Variants in ATM observed in about 807,000 individuals in gnomAD.
The protein encoded by ATM is ATM serine/threonine kinase, also known as serine-protein kinase ATM.
In ATM, 308 loss-of-function variants were observed where a neutral mutation model predicts 387.0. That is an observed-to-expected ratio of 0.80 (90% CI 0.73 to 0.87). ATM has a LOEUF of 0.87. Among genes scored for constraint, ATM ranks in the 40% least tolerant of loss-of-function variants. The pLI, the probability that ATM is intolerant of heterozygous loss-of-function variation, is 0.00. For synonymous variants in ATM, 1,156 were observed against 1,187.3 expected (o/e 0.97, Z 0.54); for missense variants, 3,312 against 3,560.9 (o/e 0.93, Z 1.78).
rs1591183992 is a variant in ATM, at chr11:108,333,881, T to C, written c.7928-5T>C. On this transcript the variant is annotated splice_region_variant and splice_polypyrimidine_tract_variant and intron_variant, in intron 53 of 62. Coordinates refer to ENST00000675843, the MANE Select transcript of ATM (RefSeq NM_000051.4). ...TCACTAAAATCTCTTCATTTTTAAA[T>C]ACAGAAGGCATAAATATTCCAGCAG... The C allele has an allele frequency of 1.3e-6, 2 of 1,597,528 alleles. No individual in the cohort carries two copies. The highest frequency in any genetic ancestry group is 1.7e-6 in the Non-Finnish European group (2 of 1,165,022).
At chr11:108,225,713 TG>T (rs2078704024) in intron 1 of ATM, 1 of 152,228 alleles carries the variant, frequency 6.6e-6, no homozygotes, top group Non-Finnish European at 1.5e-5. Flanking sequence ...CCTGACCTCG[TG>T]GAACGCCCAC....
chr11:108,321,195 C>CAGT, intron 44 of ATM, 106 bp from the exon 45 acceptor site: 2 of 1,422,410 alleles, frequency 1.4e-6, no homozygotes, highest in Non-Finnish European at 1.9e-6. Flanking sequence ...ATTATTAGAT[C>CAGT]AGTAGCAAAG....
rs1187785464 is a variant in ATM, at chr11:108,332,706, A to T, written c.7789-56A>T. ...TTTTCTCTTTGTTTTTCTAACTCTG[A>T]GAAGTTTAAATGTTGGGTAGTTCCT... On this transcript the variant is annotated intron_variant, in intron 52 of 62. Coordinates refer to ENST00000675843, the MANE Select transcript of ATM (RefSeq NM_000051.4). 10 of 1,566,254 alleles carry T rather than the reference A, an allele frequency of 6.4e-6. No homozygotes were observed. The East Asian group carries it at 2.2e-4, about 35-fold the overall frequency.
intron 37 of ATM, 52 bp downstream of exon 37, chr11:108,304,904 G>A: frequency 6.3e-7 from 1 of 1,582,696 alleles, no homozygotes; most frequent in Non-Finnish European, 8.6e-7. Flanking sequence ...TCTAGAGAAA[G>A]ATGGATTTAA....
chr11:108,354,088 C>T (rs1196132527), intron 60 of ATM, among the ~76,000 whole-genome samples: 1 of 149,482 alleles, frequency 6.7e-6, no homozygotes, highest in Admixed American at 6.6e-5. Flanking sequence ...CACACACACA[C>T]ACACACACAC....
intron 59 of ATM, among the ~76,000 whole-genome samples, chr11:108,350,826 C>T (rs962995336): frequency 6.6e-6 from 1 of 152,114 alleles, no homozygotes; most frequent in African/African-American, 2.4e-5. Context: ...GTGCTAAAAG[C>T]ATCTATAAAT....
At chr11:108,348,021 T>C (rs1409531961) in intron 59 of ATM, among the ~76,000 whole-genome samples, 1 of 152,172 alleles carries the variant, frequency 6.6e-6, no homozygotes, top group Non-Finnish European at 1.5e-5. Flanking sequence ...TAGTAAACTG[T>C]ACCAGTGATA....
intron 61 of ATM, among the ~76,000 whole-genome samples, chr11:108,357,091 C>G (rs553013615): frequency 1.4e-4 from 21 of 152,368 alleles, no homozygotes; most frequent in Non-Finnish European, 2.4e-4. Flanking sequence ...GGTGCACGCA[C>G]TGTGCGCGAA....
intron 39 of ATM, among the ~76,000 whole-genome samples, chr11:108,312,107 A>G (rs2084212775): frequency 6.6e-6 from 1 of 152,228 alleles, no homozygotes; most frequent in Non-Finnish European, 1.5e-5. Context: ...AACCACTGAC[A>G]GAGTATATAG....
chr11:108,365,612 G>A lies in ATM; in HGVS notation c.*104G>A, dbSNP rs2091270713. ...TTTAAGTAGGGATTAATATTTAAGTGAACTATTGTGGGTTTTTTTGAATGT... is the reference window on the plus strand; with the variant it reads ...TTTAAGTAGGGATTAATATTTAAGTAAACTATTGTGGGTTTTTTTGAATGT... On this transcript the variant is annotated 3_prime_UTR_variant, in exon 63 of 63. Coordinates refer to ENST00000675843, the MANE Select transcript of ATM (RefSeq NM_000051.4). 8 of 1,368,966 alleles carry A rather than the reference G, an allele frequency of 5.8e-6. No homozygotes were observed. Among genetic ancestry groups the A allele is most frequent in the Non-Finnish European group, 8.0e-6 (8 of 1,002,644 alleles). 84.8% of individuals were successfully genotyped at this position (1,368,966 alleles called of 1,614,324 possible).
rs565625546 is a variant in ATM, at chr11:108,356,264, G to A, written c.8850+1390G>A. Among the ~76,000 whole-genome samples the A allele has an allele frequency of 1.7e-4, 26 of 152,210 alleles. No individual in the cohort carries two copies. The East Asian group carries it at 2.7e-3, about 16-fold the overall frequency. The stretch of plus-strand genomic sequence containing the variant: ...ATGTAAGAAAAAGAGGGCTGGGCGC[G>A]GTGGCTCATGCCTGTAATCCCAGCA... On this transcript the variant is annotated intron_variant, in intron 61 of 62. Transcript: ENST00000675843.
chr11:108,248,661 G>A (rs2079970413), intron 8 of ATM, among the ~76,000 whole-genome samples: 1 of 152,100 alleles, frequency 6.6e-6, no homozygotes, highest in African/African-American at 2.4e-5. Flanking sequence ...GGCCAAGGCG[G>A]GCAGATCACC....
At chr11:108,283,703 C>T (rs2082344612) in intron 25 of ATM, among the ~76,000 whole-genome samples, 1 of 152,124 alleles carries the variant, frequency 6.6e-6, no homozygotes, top group Non-Finnish European at 1.5e-5. Context: ...CCCATGTATG[C>T]CTAAATTTAC....
intron 61 of ATM, among the ~76,000 whole-genome samples, chr11:108,357,503 A>G (rs558087337): frequency 1.4e-4 from 21 of 152,284 alleles, no homozygotes; most frequent in African/African-American, 4.3e-4. Context: ...GGCACAGACA[A>G]ACAAAAAGAC....
intron 6 of ATM, among the ~76,000 whole-genome samples, chr11:108,244,546 A>T (rs183894728): frequency 6.6e-6 from 1 of 152,186 alleles, no homozygotes; most frequent in Non-Finnish European, 1.5e-5. Context: ...TTTTTATACA[A>T]TGTTTTAGCA....
intron 32 of ATM, chr11:108,296,889 C>CGCCGT: frequency 7.4e-6 from 2 of 272,058 alleles, no homozygotes; most frequent in South Asian, 4.0e-5. Flanking sequence ...TAGACATTTC[C>CGCCGT]ATCATTGCAG....
At chr11:108,330,045 C>T (rs1406482752) in intron 49 of ATM, among the ~76,000 whole-genome samples, 169 bp from the exon 50 acceptor site, 3 of 152,178 alleles carry the variant, frequency 2.0e-5, no homozygotes, top group African/African-American at 7.2e-5. Flanking sequence ...GTGTGAATTG[C>T]ACAGTTAAGA....
chr11:108,283,693 C>G (rs2082343846), intron 25 of ATM, among the ~76,000 whole-genome samples: 1 of 152,108 alleles, frequency 6.6e-6, no homozygotes, highest in Non-Finnish European at 1.5e-5. Context: ...TCCAGGATCC[C>G]CCATGTATGC....
intron 34 of ATM, 109 bp downstream of exon 34, chr11:108,299,994 T>A (rs540976181): frequency 1.9e-6 from 2 of 1,070,246 alleles, no homozygotes; most frequent in African/African-American, 3.2e-5. Context: ...CTTTTTTAAA[T>A]CTCAGTGTCT....
Sources: allele counts gnomAD v4.1 joint callset (sites outside exome capture counted in the v4.1 genomes callset), GRCh38; gene constraint gnomAD v4.1.1; transcripts MANE v1.5; gene names NCBI Gene and HGNC (gene_info 2026-07-23, HGNC 2026-07-21).